Variants in USP22 observed in about 807,000 individuals in gnomAD.
The protein encoded by USP22 is ubiquitin specific peptidase 22.
In USP22, 22 loss-of-function variants were observed where a neutral mutation model predicts 68.1. The observed-to-expected ratio is 0.32, with a 90% CI of 0.23 to 0.46. The LOEUF (loss-of-function observed/expected upper bound fraction) is 0.46, where lower values mean the gene tolerates loss of function less well. Ranked by LOEUF, USP22 falls within the 20% of genes least tolerant of loss-of-function variation. The pLI is 1.00. For synonymous variants in USP22, 279 were observed against 274.2 expected, an observed-to-expected ratio of 1.02 and a Z score of -0.17; for missense variants, 433 against 695.8, an observed-to-expected ratio of 0.62 and a Z score of 4.25.
chr17:21,013,086 T>C, intron 6 of USP22, 151 bp from the exon 7 acceptor site: 1 of 598,422 alleles, frequency 1.7e-6, no homozygotes, highest in East Asian at 2.8e-5. Flanking sequence ...GCAGAGGGTG[T>C]CCTTGTTATT....
intron 2 of USP22, among the ~76,000 whole-genome samples, chr17:21,026,618 TCCTC>T (rs1385336580): frequency 6.8e-6 from 1 of 147,476 alleles, no homozygotes; most frequent in African/African-American, 2.5e-5. Context: ...GCCACACCGC[TCCTC>T]CCTCATCTCA....
chr17:21,001,207 G>A lies in USP22; in HGVS notation c.*1824C>T, dbSNP rs1213846976. On this transcript the variant is annotated 3_prime_UTR_variant, in exon 13 of 13. Transcript: ENST00000261497. Reference sequence around the variant, plus strand: ...ACATGCTTCCATGTGAATTCTTTAAGTGCAGAAAAACAACAGAAAATGAAC... The same window carrying A: ...ACATGCTTCCATGTGAATTCTTTAAATGCAGAAAAACAACAGAAAATGAAC... 3 of 152,142 alleles carry A rather than the reference G, an allele frequency of 2.0e-5. No homozygotes were observed. The East Asian group carries it at 5.8e-4, about 29-fold the overall frequency. 9.4% of individuals were successfully genotyped at this position (152,142 alleles called of 1,614,324 possible).
At chr17:21,016,390 CCG>C (rs1567793379) in intron 5 of USP22, among the ~76,000 whole-genome samples, 9 of 151,590 alleles carry the variant, frequency 5.9e-5, no homozygotes, top group African/African-American at 2.2e-4. Context: ...TCAACTCCAG[CCG>C]CAGACCCAGC....
At chr17:21,041,525 G>A (rs911819127) in intron 1 of USP22, among the ~76,000 whole-genome samples, 3 of 152,166 alleles carry the variant, frequency 2.0e-5, no homozygotes, top group Non-Finnish European at 1.5e-5. Flanking sequence ...CTGAACCCGG[G>A]AGGCGGAGAT....
chr17:21,010,517 A>C (rs1913927091), intron 8 of USP22, among the ~76,000 whole-genome samples: 1 of 150,156 alleles, frequency 6.7e-6, no homozygotes, highest in Non-Finnish European at 1.5e-5. Flanking sequence ...GCTCTACTAA[A>C]AATACAAAAA....
intron 1 of USP22, among the ~76,000 whole-genome samples, chr17:21,038,146 C>T (rs897998886): frequency 1.3e-5 from 2 of 152,164 alleles, no homozygotes; most frequent in South Asian, 4.1e-4. Context: ...CACATATCAT[C>T]CCAGCACTGT....
At chr17:21,030,592 G>A in intron 1 of USP22, among the ~76,000 whole-genome samples, 1 of 152,224 alleles carries the variant, frequency 6.6e-6, no homozygotes, top group East Asian at 1.9e-4. Flanking sequence ...GAACAACATG[G>A]CGGCGCCTGT....
chr17:21,027,231 C>T (rs909944266), intron 2 of USP22, among the ~76,000 whole-genome samples: 3 of 141,710 alleles, frequency 2.1e-5, no homozygotes, highest in Non-Finnish European at 4.6e-5. Flanking sequence ...AAGGCCGCAG[C>T]GAGCCATGAC....
intron 8 of USP22, among the ~76,000 whole-genome samples, chr17:21,010,139 G>C (rs1465401343): frequency 6.6e-6 from 1 of 152,122 alleles, no homozygotes; most frequent in Non-Finnish European, 1.5e-5. Flanking sequence ...ACTCCAGCCT[G>C]CATGAAAGAG....
intron 2 of USP22, among the ~76,000 whole-genome samples, chr17:21,025,378 G>A (rs12452171): frequency 0.23 from 35,160 of 152,184 alleles, 4,776 homozygotes; most frequent in Middle Eastern, 0.32. Flanking sequence ...TGGCAAGGAT[G>A]TGAACAAACT....
intron 2 of USP22, 62 bp from the exon 3 acceptor site, chr17:21,021,288 A>G: frequency 8.6e-7 from 1 of 1,161,676 alleles, no homozygotes; most frequent in Non-Finnish European, 1.3e-6. Context: ...GGAAGGCTGG[A>G]GGGCAGAGTT....
intron 3 of USP22, 138 bp downstream of exon 3, chr17:21,020,975 T>C: frequency 1.5e-6 from 1 of 667,730 alleles, no homozygotes; most frequent in Admixed American, 2.3e-5. Flanking sequence ...CTGTGGGCCT[T>C]AGGGGAAGGT....
Position 21,027,292 on chromosome 17 carries a change from CA to C in USP22, c.304+1249del, listed in dbSNP as rs71357459. ...TCCAGACAAAGCGAGACCCTGTCTC[CA>C]AAAAAAAAAAAAAAAAATCAGACAC... On this transcript the variant is annotated intron_variant, in intron 2 of 12. Transcript: ENST00000261497. Among the ~76,000 whole-genome samples the C allele has an allele frequency of 1.8e-3, 131 of 72,276 alleles. 3 individuals carry two copies. The highest frequency in any genetic ancestry group is 3.7e-3 in the Admixed American group (22 of 5,986). 47.4% of individuals were successfully genotyped at this position (72,276 alleles called of 152,430 possible). A position where few individuals can be genotyped will look rare whatever the true frequency, so the allele number is the denominator to read the frequency against.
intron 1 of USP22, among the ~76,000 whole-genome samples, chr17:21,030,896 T>C (rs1014338854): frequency 1.3e-5 from 2 of 152,246 alleles, no homozygotes; most frequent in East Asian, 1.9e-4. Context: ...ATAGTACTAT[T>C]TGAAAAATTA....
At chr17:21,003,397 C>T (rs554988744) in intron 12 of USP22, among the ~76,000 whole-genome samples, 1 of 152,358 alleles carries the variant, frequency 6.6e-6, no homozygotes, top group East Asian at 1.9e-4. Flanking sequence ...TGGCTCCGTC[C>T]AGATCCACCT....
chr17:21,036,249 A>G (rs913299679), intron 1 of USP22, among the ~76,000 whole-genome samples: 1 of 151,998 alleles, frequency 6.6e-6, no homozygotes. Context: ...GGGCAGTGCA[A>G]CTGTTCTGTA....
chr17:21,035,744 CT>C (rs1972345389), intron 1 of USP22, among the ~76,000 whole-genome samples: 1 of 152,068 alleles, frequency 6.6e-6, no homozygotes, highest in Non-Finnish European at 1.5e-5. Flanking sequence ...AAGGAATGAA[CT>C]TTCGGCTGGG....
intron 5 of USP22, 96 bp downstream of exon 5, chr17:21,017,846 T>C (rs756160177): frequency 2.2e-4 from 324 of 1,446,152 alleles, no homozygotes; most frequent in Non-Finnish European, 2.9e-4. Context: ...AGGTTCTAAA[T>C]GTATCTTCCT....
Position 21,042,724 on chromosome 17 carries a change from G to C in USP22, c.112C>G (p.Leu38Val). The part of the protein sequence containing the change: ...SFKVDNWKQN[L>V]RAIYQCFVWS... ...ACGAAGCACTGGTAGATGGCCCGCA[G>C]GTTCTGCTTCCAGTTGTCCACCTTG... Residue 38 changes from leucine to valine, a missense_variant, in exon 1 of 13, where the codon CTG becomes GTG. Leu to Val is a conservative substitution (Grantham distance 32). Transcript: ENST00000261497. 1 of 1,466,566 alleles carries C rather than the reference G, an allele frequency of 6.8e-7. No homozygotes were observed. Among genetic ancestry groups the C allele is most frequent in the Admixed American group, 2.1e-5 (1 of 46,608 alleles). The allele number at this position is 1,466,566 out of a possible 1,614,324, so 90.8% of individuals were successfully genotyped here.
Sources: gnomAD v4.1 joint callset for allele counts (sites outside exome capture counted in the v4.1 genomes callset) on GRCh38, gnomAD v4.1.1 for gene constraint, MANE v1.5 for transcripts, NCBI Gene and HGNC (gene_info 2026-07-23, HGNC 2026-07-21) for gene names.